ACOT12: variants seen among roughly 807,000 people sequenced by gnomAD.
The protein encoded by ACOT12 is acyl-CoA thioesterase 12.
In ACOT12, 51 loss-of-function variants were observed where a neutral mutation model predicts 67.7. That is an observed-to-expected ratio of 0.75 (90% CI 0.60 to 0.95). The LOEUF (loss-of-function observed/expected upper bound fraction) is 0.95, where lower values mean the gene tolerates loss of function less well. Among genes scored for constraint, ACOT12 ranks in the 40% least tolerant of loss-of-function variants. The pLI, the probability that ACOT12 is intolerant of heterozygous loss-of-function variation, is 0.00. For synonymous variants in ACOT12, 251 were observed against 244.6 expected, an observed-to-expected ratio of 1.03 and a Z score of -0.24; for missense variants, 734 against 708.1, an observed-to-expected ratio of 1.04 and a Z score of -0.41.
chr5:81,347,966 T>G (rs1160455020), intron 5 of ACOT12, 36 bp from the exon 6 acceptor site: 4 of 1,600,946 alleles, frequency 2.5e-6, no homozygotes, highest in Admixed American at 3.4e-5. Flanking sequence ...GATGGTGGAG[T>G]GAACCATAGG....
chr5:81,357,867 G>A (rs749167106), intron 5 of ACOT12, among the ~76,000 whole-genome samples: 4 of 151,994 alleles, frequency 2.6e-5, no homozygotes, highest in Admixed American at 6.6e-5. Flanking sequence ...TTAGCTGGGC[G>A]TGGTGGCGCA....
chr5:81,363,300 C>G (rs1019701606), intron 4 of ACOT12, among the ~76,000 whole-genome samples: 17 of 152,174 alleles, frequency 1.1e-4, no homozygotes, highest in Admixed American at 1.1e-3. Context: ...GTTTTCACCC[C>G]ACATGCCCAG....
At chr5:81,323,073 A>G in the ACOT12 span, among the ~76,000 whole-genome samples, 1 of 131,304 alleles carries the variant, frequency 7.6e-6, no homozygotes, top group African/African-American at 3.1e-5. Flanking sequence ...CATGCCTGGT[A>G]TAGCAAAAAG....
rs1050161774 is a variant in ACOT12 at position 81,347,797 on chromosome 5, C to G, written c.630G>C (p.Glu210Asp). 1 of 1,614,038 alleles carries G rather than the reference C, an allele frequency of 6.2e-7. No homozygotes were observed. Among genetic ancestry groups the G allele is most frequent in the Admixed American group, 1.7e-5 (1 of 60,002 alleles). Residue 210 changes from glutamate to aspartate, a missense_variant, in exon 6 of 15, where the codon GAG (glutamate) becomes GAC (aspartate). Transcript: ENST00000307624. ...TFGGQIMAWM[E>D]TVATISASRL... Reference sequence around the variant, plus strand: ...ACCTTGCAGAAATAGTAGCCACTGTCTCCATCCACGCCATAATCTGGCCAC... The same window carrying G: ...ACCTTGCAGAAATAGTAGCCACTGTGTCCATCCACGCCATAATCTGGCCAC...
the ACOT12 span, chr5:81,313,312 A>G: frequency 1.3e-5 from 2 of 152,204 alleles, no homozygotes; most frequent in African/African-American, 4.8e-5. Flanking sequence ...AAGGATTCCA[A>G]GTTACTGAAG....
Position 81,345,085 on chromosome 5 carries a change from C to A in ACOT12, c.774-44G>T, listed in dbSNP as rs771637398. 3 of 1,606,648 alleles carry A rather than the reference C, an allele frequency of 1.9e-6. No individual in the cohort carries two copies. In the Middle Eastern group the frequency reaches 5.8e-4, roughly 310 times the overall value. ...GGCGGTGGGCAAAGAGGATCTTGAC[C>A]CATCAGGCCCTCCTTGCACACCGCT... On this transcript the variant is annotated intron_variant, in intron 7 of 14. Transcript: ENST00000307624.
In ACOT12 at chr5:81,344,004, A is replaced by G; in HGVS notation, c.981-123T>C. ...GATATCAGTGGAACAACGTGGAAGA[A>G]CTATTTCCATAAGTCAGTAGTCAGC... On this transcript the variant is annotated intron_variant, in intron 9 of 14. Coordinates refer to ENST00000307624, the MANE Select transcript of ACOT12 (RefSeq NM_130767.3). 4 of 1,207,076 alleles carry G rather than the reference A, an allele frequency of 3.3e-6. No homozygotes were observed. The Admixed American group carries it at 8.6e-5, about 26-fold the overall frequency. 74.8% of individuals were successfully genotyped at this position (1,207,076 alleles called of 1,614,324 possible).
chr5:81,311,239 G>A, the ACOT12 span: 1 of 1,614,040 alleles, frequency 6.2e-7, no homozygotes, highest in Non-Finnish European at 8.5e-7. Flanking sequence ...GTGGCTCTGT[G>A]GAACATTTAA....
At chr5:81,317,501 C>CAA in the ACOT12 span, among the ~76,000 whole-genome samples, 8 of 109,106 alleles carry the variant, frequency 7.3e-5, no homozygotes, top group Admixed American at 3.5e-4. Context: ...GACTCCATCC[C>CAA]AAAAAAAAAA....
chr5:81,358,481 A>G (rs922861840), intron 5 of ACOT12, among the ~76,000 whole-genome samples: 1 of 152,190 alleles, frequency 6.6e-6, no homozygotes, highest in African/African-American at 2.4e-5. Context: ...TTTGGTGCTG[A>G]GACCAGCTTT....
intron 13 of ACOT12, among the ~76,000 whole-genome samples, chr5:81,331,490 T>C (rs1171285939): frequency 6.6e-6 from 1 of 152,240 alleles, no homozygotes; most frequent in African/African-American, 2.4e-5. Flanking sequence ...TGAGCTGAGA[T>C]TGTGCCATTG....
At chr5:81,365,325 T>C (rs969946919) in intron 3 of ACOT12, among the ~76,000 whole-genome samples, 1 of 152,224 alleles carries the variant, frequency 6.6e-6, no homozygotes, top group Non-Finnish European at 1.5e-5. Flanking sequence ...AGTCACTCAA[T>C]TCATAAATGC....
At chr5:81,309,135 T>G in the ACOT12 span, 1 of 942,246 alleles carries the variant, frequency 1.1e-6, no homozygotes, top group Non-Finnish European at 1.6e-6. Context: ...AATTCTTGAA[T>G]AAATTGCAAA....
At chr5:81,345,409 TAAAC>T (rs1175769773) in intron 7 of ACOT12, among the ~76,000 whole-genome samples, 1 of 152,200 alleles carries the variant, frequency 6.6e-6, no homozygotes, top group South Asian at 2.1e-4. Flanking sequence ...AATTAAAAAA[TAAAC>T]ACTGAAATTA....
chr5:81,332,534 T>C lies in ACOT12; in HGVS notation c.1334A>G (p.Asp445Gly). The C allele has an allele frequency of 6.2e-7, 1 of 1,614,146 alleles. No individual in the cohort carries two copies. The highest frequency in any genetic ancestry group is 8.5e-7 in the Non-Finnish European group (1 of 1,180,016). The change falls in exon 13 of 15, where the codon GAT (aspartate) becomes GGT (glycine). Residue 445 changes from aspartate (D) to glycine (G), a missense_variant. Asp to Gly is a moderately conservative substitution (Grantham distance 94). Coordinates refer to ENST00000307624, the MANE Select transcript of ACOT12 (RefSeq NM_130767.3). Reference protein sequence around the residue: ...LYHITCPILNDDKPKDLVVLV... With the variant: ...LYHITCPILNGDKPKDLVVLV... ...TACTACCAAGTCTTTGGGTTTGTCA[T>C]CATTCAGTATAGGACAGGTGATGTG...
At chr5:81,382,781 G>A (rs1034643858) in intron 2 of ACOT12, among the ~76,000 whole-genome samples, 3 of 150,518 alleles carry the variant, frequency 2.0e-5, no homozygotes, top group Non-Finnish European at 4.4e-5. Flanking sequence ...CAGCCTGGGT[G>A]ACAACAGTAA....
intron 3 of ACOT12, among the ~76,000 whole-genome samples, chr5:81,367,538 C>A (rs1580574289): frequency 1.3e-5 from 2 of 152,000 alleles, no homozygotes; most frequent in South Asian, 4.2e-4. Flanking sequence ...ATATTGCAAA[C>A]CCGAGAAAAA....
chr5:81,325,397 C>A (rs1357487733), downstream of ACOT12, among the ~76,000 whole-genome samples: 2 of 152,142 alleles, frequency 1.3e-5, no homozygotes, highest in Non-Finnish European at 2.9e-5. Flanking sequence ...GACCAGTACA[C>A]AATTTTCACC....
chr5:81,361,881 C>T (rs528877843), intron 4 of ACOT12, among the ~76,000 whole-genome samples: 24 of 152,312 alleles, frequency 1.6e-4, no homozygotes, highest in Admixed American at 1.5e-3. Context: ...GTACATTATG[C>T]TTTGAACCAA....
Sources: allele counts gnomAD v4.1 joint callset (sites outside exome capture counted in the v4.1 genomes callset), GRCh38; gene constraint gnomAD v4.1.1; transcripts MANE v1.5; gene names NCBI Gene and HGNC (gene_info 2026-07-23, HGNC 2026-07-21).